SVOPL: variants seen among roughly 807,000 people sequenced by gnomAD.
SVOPL encodes the protein SVOP like.
Under a neutral mutation model 61.0 loss-of-function variants are expected in SVOPL, and 60 were observed. The observed-to-expected ratio is 0.98, with a 90% CI of 0.80 to 1.22. The LOEUF is 1.22. Among genes scored for constraint, SVOPL ranks in the 50% most tolerant of loss-of-function variants. The pLI, the probability that SVOPL is intolerant of heterozygous loss-of-function variation, is 0.00. For missense variants in SVOPL, 662 were observed against 643.9 expected, an observed-to-expected ratio of 1.03 and a Z score of -0.30; for synonymous variants, 279 against 250.0, an observed-to-expected ratio of 1.12 and a Z score of -1.09.
chr7:138,653,203 A>C (rs546749524), intron 7 of SVOPL, among the ~76,000 whole-genome samples: 24 of 152,296 alleles, frequency 1.6e-4, no homozygotes, highest in African/African-American at 5.5e-4. Flanking sequence ...CGTAACATAG[A>C]AGTGCAAGGT....
chr7:138,695,856 T>C (rs368138680), intron 1 of SVOPL, among the ~76,000 whole-genome samples: 3 of 152,258 alleles, frequency 2.0e-5, no homozygotes, highest in African/African-American at 7.2e-5. Context: ...TGATCTCGGC[T>C]CACTGAGCCT....
chr7:138,608,606 T>C lies in SVOPL; in HGVS notation c.1354-12076A>G, dbSNP rs375672652. Among the ~76,000 whole-genome samples the C allele has an allele frequency of 5.9e-5, 9 of 152,238 alleles. No homozygotes were observed. The East Asian group carries it at 1.7e-3, about 29-fold the overall frequency. ...GTCTGGGTCAGAATCTGGGTTGCAT[T>C]CACTCTGTGAAATGTGAGTAAGTTG... On this transcript the variant is annotated intron_variant, in intron 14 of 15. Coordinates refer to ENST00000674285, the MANE Select transcript of SVOPL (RefSeq NM_001139456.2).
At chr7:138,683,632 G>A (rs1802745760) in intron 1 of SVOPL, among the ~76,000 whole-genome samples, 1 of 152,082 alleles carries the variant, frequency 6.6e-6, no homozygotes, top group African/African-American at 2.4e-5. Context: ...GCCTCCCAAA[G>A]TGCTAGGATT....
chr7:138,654,826 C>T (rs1032187709), intron 7 of SVOPL, among the ~76,000 whole-genome samples: 5 of 150,778 alleles, frequency 3.3e-5, no homozygotes, highest in Non-Finnish European at 5.9e-5. Context: ...CACATCTCCA[C>T]ACAACATAGT....
intron 5 of SVOPL, 180 bp downstream of exon 5, chr7:138,662,894 G>A: frequency 4.2e-6 from 6 of 1,440,208 alleles, no homozygotes; most frequent in African/African-American, 1.4e-5. Flanking sequence ...GCAGGCACAG[G>A]TACCCTGAGA....
At chr7:138,644,628 G>A in intron 9 of SVOPL, 89 bp downstream of exon 9, 2 of 1,523,652 alleles carry the variant, frequency 1.3e-6, no homozygotes, top group Admixed American at 2.1e-5. Context: ...TAGAGAACAA[G>A]GGTCCCCCCT....
Position 138,594,552 on chromosome 7 carries a change from C to A in SVOPL, c.*58G>T. On this transcript the variant is annotated 3_prime_UTR_variant, in exon 16 of 16. Transcript: ENST00000674285. ...AAAACCAAGTTTTAAAAAAATGCAC[C>A]GCAGTTCTGAAGATAGAATTCATTT... The A allele has an allele frequency of 6.5e-7, 1 of 1,537,416 alleles. No homozygotes were observed. Among genetic ancestry groups the A allele is most frequent in the South Asian group, 1.2e-5 (1 of 82,598 alleles).
At chr7:138,678,409 G>T (rs1226863079) in intron 3 of SVOPL, 25 bp downstream of exon 3, 2 of 1,544,330 alleles carry the variant, frequency 1.3e-6, no homozygotes, top group South Asian at 2.4e-5. Context: ...GACACTTTTC[G>T]TCAACATCTC....
intron 4 of SVOPL, chr7:138,664,066 G>A (rs1484722105): frequency 5.9e-6 from 2 of 340,976 alleles, no homozygotes; most frequent in Non-Finnish European, 4.2e-6. Context: ...CCGTAACCCT[G>A]TTTGACAGAC....
At position 138,659,926 on chromosome 7, in the gene SVOPL, C is replaced by T. The variant is rs747816334; in HGVS notation, c.408G>A (p.Ser136=). 3.2e-6 allele frequency: 5 copies of T among 1,551,426 alleles called. No homozygotes were observed. In the East Asian group the frequency reaches 7.3e-5, roughly 23 times the overall value. ...YFSLLTSFAP[S]YIWFVFLRTM... ...TCCGCAGGAAGACAAACCAGATGTA[C>T]GAAGGAGCAAACGAGGTCAGCAAGG... The change falls in exon 6 of 16, where the codon TCG becomes TCA. Residue 136 remains serine (S), a synonymous_variant. Coordinates refer to ENST00000674285, the MANE Select transcript of SVOPL (RefSeq NM_001139456.2).
At chr7:138,626,395 T>C (rs1188180651) in intron 12 of SVOPL, among the ~76,000 whole-genome samples, 3 of 151,554 alleles carry the variant, frequency 2.0e-5, no homozygotes, top group South Asian at 2.1e-4. Flanking sequence ...CTCAGCAACA[T>C]AGTAAGACTT....
chr7:138,657,044 C>CAA lies in SVOPL; in HGVS notation c.471-535_471-534dup, dbSNP rs11432091. Among the ~76,000 whole-genome samples the CAA allele has an allele frequency of 7.3e-3, 1,012 of 139,232 alleles. 24 individuals carry two copies. The highest frequency in any genetic ancestry group is 0.023 in the African/African-American group (904 of 38,716). 91.3% of individuals were successfully genotyped at this position (139,232 alleles called of 152,430 possible). On this transcript the variant is annotated intron_variant, in intron 6 of 15. Coordinates refer to ENST00000674285, the MANE Select transcript of SVOPL (RefSeq NM_001139456.2). ...AGAGCGAAACTCCATGTTGAAAAGA[C>CAA]AAAAAAAAAAAGAAATATAAGCCTT...
intron 8 of SVOPL, among the ~76,000 whole-genome samples, chr7:138,647,859 AAAAAAAAAT>A (rs1485971825): frequency 3.3e-5 from 5 of 150,320 alleles, no homozygotes; most frequent in East Asian, 2.0e-4. Flanking sequence ...AAAAAAAAAA[AAAAAAAAAT>A]AGTCACATGC....
intron 9 of SVOPL, among the ~76,000 whole-genome samples, chr7:138,631,577 CT>C (rs375928011): frequency 4.6e-4 from 70 of 150,596 alleles, no homozygotes; most frequent in Non-Finnish European, 8.7e-4. Flanking sequence ...CTCCCCAAAG[CT>C]TTTTTTTTGG....
intron 6 of SVOPL, among the ~76,000 whole-genome samples, chr7:138,658,754 A>G (rs1258697022): frequency 1.3e-5 from 2 of 152,238 alleles, no homozygotes; most frequent in Admixed American, 6.5e-5. Context: ...CTGCTGGAGC[A>G]TTAAATAAGC....
At chr7:138,653,541 C>T (rs2117041648) in intron 7 of SVOPL, among the ~76,000 whole-genome samples, 1 of 152,238 alleles carries the variant, frequency 6.6e-6, no homozygotes, top group East Asian at 1.9e-4. Context: ...GTGCCTCTTA[C>T]CTGTAATTTC....
chr7:138,598,050 C>A (rs189079412), intron 14 of SVOPL, among the ~76,000 whole-genome samples: 5 of 152,250 alleles, frequency 3.3e-5, no homozygotes, highest in Non-Finnish European at 5.9e-5. Flanking sequence ...CCAATAAATT[C>A]TACCTAAGTT....
At chr7:138,676,535 G>T (rs995793418) in intron 3 of SVOPL, among the ~76,000 whole-genome samples, 3 of 147,026 alleles carry the variant, frequency 2.0e-5, no homozygotes, top group Non-Finnish European at 4.4e-5. Flanking sequence ...TCCCATTCAC[G>T]AGGGAGGAGT....
intron 1 of SVOPL, among the ~76,000 whole-genome samples, chr7:138,682,988 A>G (rs1022670036): frequency 1.3e-5 from 2 of 151,744 alleles, no homozygotes; most frequent in South Asian, 2.1e-4. Flanking sequence ...AAAAAGAAAA[A>G]AAAAAGAAAA....
Sources: gnomAD v4.1 joint callset for allele counts (sites outside exome capture counted in the v4.1 genomes callset) on GRCh38, gnomAD v4.1.1 for gene constraint, MANE v1.5 for transcripts, NCBI Gene and HGNC (gene_info 2026-07-23, HGNC 2026-07-21) for gene names.